Variants in SNX30 observed in about 807,000 individuals in gnomAD.
The protein encoded by SNX30 is sorting nexin-30.
In SNX30, 24 loss-of-function variants were observed where a neutral mutation model predicts 46.4. That is an observed-to-expected ratio of 0.52 (90% CI 0.37 to 0.73). The LOEUF is 0.73. Among genes scored for constraint, SNX30 ranks in the 30% least tolerant of loss-of-function variants. The pLI, the probability that SNX30 is intolerant of heterozygous loss-of-function variation, is 0.00. For synonymous variants in SNX30, 189 were observed against 211.5 expected, an observed-to-expected ratio of 0.89 and a Z score of 0.92; for missense variants, 533 against 555.7, an observed-to-expected ratio of 0.96 and a Z score of 0.41.
chr9:112,751,612 G>A (rs546953512), intron 1 of SNX30, among the ~76,000 whole-genome samples: 45 of 152,360 alleles, frequency 3.0e-4, no homozygotes, highest in African/African-American at 1.0e-3. Context: ...TACAGCGAGA[G>A]TCTTCTTCCC....
intron 1 of SNX30, among the ~76,000 whole-genome samples, chr9:112,767,781 G>C (rs541868241): frequency 1.1e-4 from 16 of 151,836 alleles, no homozygotes; most frequent in African/African-American, 3.9e-4. Flanking sequence ...TTATTTATTT[G>C]TAGAGACAGG....
intron 6 of SNX30, among the ~76,000 whole-genome samples, chr9:112,847,138 T>C (rs1276703022): frequency 6.6e-6 from 1 of 152,252 alleles, no homozygotes; most frequent in African/African-American, 2.4e-5. Flanking sequence ...TGTTATTAAT[T>C]TGTTATATTT....
chr9:112,758,235 C>A (rs1839381065), intron 1 of SNX30, among the ~76,000 whole-genome samples: 3 of 152,200 alleles, frequency 2.0e-5, no homozygotes, highest in Admixed American at 2.0e-4. Context: ...CTCTTGGAGA[C>A]CCTGCTCTGT....
rs1214550728 is a variant in SNX30 at position 112,874,060 on chromosome 9, T to G, written c.*5217T>G. On this transcript the variant is annotated 3_prime_UTR_variant, in exon 9 of 9. Coordinates refer to ENST00000374232, the MANE Select transcript of SNX30 (RefSeq NM_001012994.2). ...AACACCCCTGTTGGACAGGATTGAT[T>G]GTTCGCAGTCTTAGACCAACACTTC... 1 of 152,222 alleles carries G rather than the reference T, an allele frequency of 6.6e-6. No homozygotes were observed. Among genetic ancestry groups the G allele is most frequent in the East Asian group, 1.9e-4 (1 of 5,196 alleles). 9.4% of individuals were successfully genotyped at this position (152,222 alleles called of 1,614,324 possible). A position where few individuals can be genotyped will look rare whatever the true frequency, so the allele number is the denominator to read the frequency against.
intron 1 of SNX30, among the ~76,000 whole-genome samples, chr9:112,754,507 G>A (rs1839320441): frequency 7.0e-6 from 1 of 143,742 alleles, no homozygotes; most frequent in Non-Finnish European, 1.5e-5. Flanking sequence ...CTGGGTTCAT[G>A]TGATTCTCCT....
At chr9:112,762,490 G>A (rs1194263986) in intron 1 of SNX30, among the ~76,000 whole-genome samples, 1 of 151,582 alleles carries the variant, frequency 6.6e-6, no homozygotes, top group Non-Finnish European at 1.5e-5. Context: ...ACAGATGGTT[G>A]CGGTAGCATG....
At chr9:112,809,585 T>G (rs1466535920) in intron 2 of SNX30, among the ~76,000 whole-genome samples, 1 of 150,802 alleles carries the variant, frequency 6.6e-6, no homozygotes, top group Non-Finnish European at 1.5e-5. Context: ...AGAAAAAGAG[T>G]CATAACACCC....
chr9:112,794,548 C>T (rs771792450), intron 1 of SNX30, among the ~76,000 whole-genome samples: 1 of 152,222 alleles, frequency 6.6e-6, no homozygotes, highest in Admixed American at 6.5e-5. Flanking sequence ...ATCATTTTAC[C>T]CTTAACGTAA....
At chr9:112,847,578 A>C (rs1158242699) in intron 6 of SNX30, among the ~76,000 whole-genome samples, 1 of 151,968 alleles carries the variant, frequency 6.6e-6, no homozygotes, top group Non-Finnish European at 1.5e-5. Flanking sequence ...GGATCTGTAC[A>C]TTGATTGGTA....
chr9:112,812,268 T>A (rs1840332151), intron 2 of SNX30, among the ~76,000 whole-genome samples: 2 of 152,214 alleles, frequency 1.3e-5, no homozygotes, highest in Non-Finnish European at 1.5e-5. Flanking sequence ...TATTTATTTA[T>A]TTTTTGAGAC....
At chr9:112,795,594 C>T (rs964196001) in intron 1 of SNX30, among the ~76,000 whole-genome samples, 4 of 152,072 alleles carry the variant, frequency 2.6e-5, no homozygotes, top group Admixed American at 6.6e-5. Context: ...ACAACTGATT[C>T]GAGAACTAAC....
chr9:112,805,934 A>G (rs1056151076), intron 2 of SNX30, among the ~76,000 whole-genome samples: 9 of 152,384 alleles, frequency 5.9e-5, no homozygotes, highest in Admixed American at 3.3e-4. Context: ...TTTAAAAACC[A>G]TACTCTTTAC....
At chr9:112,817,003 A>G (rs1840406984) in intron 2 of SNX30, among the ~76,000 whole-genome samples, 2 of 152,210 alleles carry the variant, frequency 1.3e-5, no homozygotes, top group Admixed American at 6.5e-5. Context: ...GAGATTATTA[A>G]TATTTTTCTG....
In SNX30 at chr9:112,864,695, C is replaced by T. The variant is rs550856249; in HGVS notation, c.1254+296C>T. ...TGCTTCCCAGAGCCAGTCAGACCTT[C>T]AGCACAGTGATGCTGCCACCGAATG... On this transcript the variant is annotated intron_variant, in intron 8 of 8. Transcript: ENST00000374232. Among the ~76,000 whole-genome samples, 3 of 152,178 alleles carry T rather than the reference C, an allele frequency of 2.0e-5. No individual in the cohort carries two copies. The East Asian group carries it at 5.8e-4, about 30-fold the overall frequency.
chr9:112,811,792 G>A (rs1201181398), intron 2 of SNX30, among the ~76,000 whole-genome samples: 1 of 152,160 alleles, frequency 6.6e-6, no homozygotes, highest in South Asian at 2.1e-4. Context: ...TGTAGTGGTT[G>A]TCTCTGATTA....
intron 1 of SNX30, among the ~76,000 whole-genome samples, chr9:112,778,232 A>G (rs1044362918): frequency 6.7e-6 from 1 of 148,600 alleles, no homozygotes; most frequent in East Asian, 2.0e-4. Flanking sequence ...TATAAGGGCT[A>G]TGCCTGAAAT....
intron 1 of SNX30, among the ~76,000 whole-genome samples, chr9:112,776,869 C>T (rs1332564165): frequency 2.6e-5 from 4 of 152,188 alleles, no homozygotes; most frequent in Non-Finnish European, 4.4e-5. Context: ...GTTTACCCTG[C>T]AGGTAGAGAA....
rs865793065 is a variant in SNX30 at position 112,795,460 on chromosome 9, G to A, written c.157-9316G>A. Among the ~76,000 whole-genome samples the A allele has an allele frequency of 2.6e-5, 4 of 152,160 alleles. No individual in the cohort carries two copies. The South Asian group carries it at 6.2e-4, about 24-fold the overall frequency. On this transcript the variant is annotated intron_variant, in intron 1 of 8. Transcript: ENST00000374232. ...GATAGGCAAGGGATTGAATTTGGTC[G>A]TTTCTAAGATTCATTCATTCATGAA... is the stretch of plus-strand genomic sequence containing the variant.
rs72749809 is a variant in SNX30 at position 112,789,080 on chromosome 9, G to A, written c.157-15696G>A. Among the ~76,000 whole-genome samples, 895 of 152,280 alleles carry A rather than the reference G, an allele frequency of 5.9e-3. 4 individuals are homozygous for A. Among genetic ancestry groups the A allele is most frequent in the Non-Finnish European group, 9.4e-3 (641 of 68,004 alleles). ...CAAAATGCTGGGATTACATGAGTGC[G>A]CCACTGCACCTGGCCCCGAGAACAG... On this transcript the variant is annotated intron_variant, in intron 1 of 8. Transcript: ENST00000374232.
Sources: gnomAD v4.1 joint callset for allele counts (sites outside exome capture counted in the v4.1 genomes callset) on GRCh38, gnomAD v4.1.1 for gene constraint, MANE v1.5 for transcripts, NCBI Gene and HGNC (gene_info 2026-07-23, HGNC 2026-07-21) for gene names.